The following ATE1 variants were observed in gnomAD, a reference collection of about 807,000 sequenced individuals.
The protein encoded by ATE1 is arginyl-tRNA--protein transferase 1.
Under a neutral mutation model 70.5 loss-of-function variants are expected in ATE1, and 36 were observed. The ratio of observed to expected loss-of-function variants is 0.51; its 90% CI spans 0.39 to 0.67. The LOEUF (loss-of-function observed/expected upper bound fraction) is 0.67, where lower values mean the gene tolerates loss of function less well. Ranked by LOEUF, ATE1 falls within the 30% of genes least tolerant of loss-of-function variation. The pLI, the probability that ATE1 is intolerant of heterozygous loss-of-function variation, is 0.00. For synonymous variants in ATE1, 232 were observed against 219.3 expected, an observed-to-expected ratio of 1.06 and a Z score of -0.51; for missense variants, 593 against 629.5, an observed-to-expected ratio of 0.94 and a Z score of 0.62.
intron 7 of ATE1, among the ~76,000 whole-genome samples, chr10:121,881,938 T>A (rs1054034603): frequency 2.0e-5 from 3 of 151,986 alleles, no homozygotes; most frequent in Non-Finnish European, 4.4e-5. Context: ...GGACTACAGG[T>A]GCACGTCGCC....
chr10:121,923,310 G>C (rs977927241), intron 2 of ATE1, among the ~76,000 whole-genome samples: 2 of 152,130 alleles, frequency 1.3e-5, no homozygotes, highest in Admixed American at 6.6e-5. Context: ...ACAAAAAACT[G>C]AAAAATTAGC....
intron 10 of ATE1, among the ~76,000 whole-genome samples, chr10:121,811,332 G>A (rs1213902345): frequency 6.6e-6 from 1 of 151,988 alleles, no homozygotes; most frequent in Non-Finnish European, 1.5e-5. Flanking sequence ...TAGCAAATGG[G>A]GTAAAATACT....
chr10:121,918,845 G>A (rs1006962497), intron 3 of ATE1, among the ~76,000 whole-genome samples: 2 of 152,072 alleles, frequency 1.3e-5, no homozygotes, highest in Non-Finnish European at 2.9e-5. Context: ...TTTCTTACAA[G>A]AGGATTGTAA....
chr10:121,781,033 C>T (rs1243398658), intron 11 of ATE1, among the ~76,000 whole-genome samples: 1 of 151,802 alleles, frequency 6.6e-6, no homozygotes, highest in Admixed American at 6.6e-5. Flanking sequence ...TTGGTTGGCT[C>T]CTCTATTTCA....
chr10:121,782,915 A>G (rs1946055370), intron 11 of ATE1, among the ~76,000 whole-genome samples: 1 of 152,088 alleles, frequency 6.6e-6, no homozygotes, highest in Non-Finnish European at 1.5e-5. Context: ...TCAGTTTCGG[A>G]ATTTGGACTG....
chr10:121,916,595 G>A (rs1951668992), intron 3 of ATE1, among the ~76,000 whole-genome samples: 1 of 152,152 alleles, frequency 6.6e-6, no homozygotes, highest in Non-Finnish European at 1.5e-5. Flanking sequence ...CAACACTTTG[G>A]GAGGCTGAGG....
At chr10:121,851,369 G>A (rs567194263) in intron 8 of ATE1, among the ~76,000 whole-genome samples, 3 of 151,528 alleles carry the variant, frequency 2.0e-5, no homozygotes, top group Non-Finnish European at 4.4e-5. Flanking sequence ...GCGGTGAAGC[G>A]AGATCGTGCC....
intron 1 of ATE1, among the ~76,000 whole-genome samples, chr10:121,925,573 G>A (rs1182115614): frequency 6.6e-6 from 1 of 152,062 alleles, no homozygotes; most frequent in East Asian, 1.9e-4. Context: ...AACATTTAAA[G>A]GCATATCAGA....
chr10:121,849,462 T>C (rs1362350979), intron 8 of ATE1, among the ~76,000 whole-genome samples: 1 of 152,210 alleles, frequency 6.6e-6, no homozygotes, highest in Non-Finnish European at 1.5e-5. Flanking sequence ...CAGTTTGTCC[T>C]ACCATAGACA....
intron 11 of ATE1, among the ~76,000 whole-genome samples, chr10:121,779,139 T>A (rs774556782): frequency 6.6e-6 from 1 of 152,200 alleles, no homozygotes; most frequent in Non-Finnish European, 1.5e-5. Context: ...GACCTTTCTA[T>A]GTCATCTTGG....
rs1328758024 is a variant in ATE1, at chr10:121,919,752, A to C, written c.233+2597T>G. 2.0e-5 allele frequency among the ~76,000 whole-genome samples: 3 copies of C among 151,890 alleles called. No homozygotes were observed. In the East Asian group the frequency reaches 5.8e-4, roughly 30 times the overall value. On this transcript the variant is annotated intron_variant, in intron 3 of 11. Transcript: ENST00000224652. ...GTCTCTACTAAAAACACAAAAATTAACCAGGCCTAGCGGTGGGCATCTGTA... is the reference window on the plus strand; with the variant it reads ...GTCTCTACTAAAAACACAAAAATTACCCAGGCCTAGCGGTGGGCATCTGTA...
intron 10 of ATE1, among the ~76,000 whole-genome samples, chr10:121,800,749 A>G (rs982418524): frequency 6.6e-6 from 1 of 152,216 alleles, no homozygotes; most frequent in Non-Finnish European, 1.5e-5. Context: ...CAATAAATCT[A>G]TTGATTGTAC....
At chr10:121,861,830 C>T (rs1383476653) in intron 8 of ATE1, among the ~76,000 whole-genome samples, 1 of 152,018 alleles carries the variant, frequency 6.6e-6, no homozygotes, top group Admixed American at 6.5e-5. Flanking sequence ...ACTGAAGTAC[C>T]GTAAGCCCTC....
chr10:121,824,223 C>CA (rs1947917424), intron 10 of ATE1, among the ~76,000 whole-genome samples: 1 of 152,152 alleles, frequency 6.6e-6, no homozygotes, highest in Non-Finnish European at 1.5e-5. Flanking sequence ...CATGCTGAAT[C>CA]AAAAGAATCC....
At chr10:121,846,134 A>AG (rs1948810675) in intron 8 of ATE1, among the ~76,000 whole-genome samples, 2 of 102,844 alleles carry the variant, frequency 1.9e-5, no homozygotes, top group East Asian at 6.6e-4. Context: ...TCAAAAAAAA[A>AG]AAAAAACCCA....
chr10:121,875,138 CAAAA>C (rs1276048988), intron 7 of ATE1, among the ~76,000 whole-genome samples: 5 of 79,402 alleles, frequency 6.3e-5, no homozygotes, highest in Non-Finnish European at 6.9e-5. Flanking sequence ...GACTCCGTCT[CAAAA>C]AAAAAAAAAA....
chr10:121,773,957 C>T (rs1000285982), intron 11 of ATE1, among the ~76,000 whole-genome samples: 7 of 152,258 alleles, frequency 4.6e-5, no homozygotes, highest in African/African-American at 1.7e-4. Flanking sequence ...CAAGACTATG[C>T]TCCAAAAGCA....
intron 11 of ATE1, among the ~76,000 whole-genome samples, chr10:121,763,021 C>T (rs1300926025): frequency 1.3e-5 from 2 of 152,112 alleles, no homozygotes; most frequent in African/African-American, 2.4e-5. Flanking sequence ...GACGTGAGGG[C>T]AGGATACTAC....
At chr10:121,890,623 C>CT in intron 7 of ATE1, among the ~76,000 whole-genome samples, 1 of 152,230 alleles carries the variant, frequency 6.6e-6, no homozygotes, top group East Asian at 1.9e-4. Flanking sequence ...TATGACTAGG[C>CT]TGTTTTTGAG....
Sources: allele counts gnomAD v4.1 joint callset (sites outside exome capture counted in the v4.1 genomes callset), GRCh38; gene constraint gnomAD v4.1.1; transcripts MANE v1.5; gene names NCBI Gene and HGNC (gene_info 2026-07-23, HGNC 2026-07-21).